The following OVCH1 variants were observed in gnomAD, a reference collection of about 807,000 sequenced individuals.
OVCH1 encodes the protein ovochymase-1.
In OVCH1, 139 loss-of-function variants were observed where a neutral mutation model predicts 138.4. The ratio of observed to expected loss-of-function variants is 1.00; its 90% CI spans 0.87 to 1.16. The LOEUF is 1.16. OVCH1 is among the 50% of genes most tolerant of loss of function. The probability of loss-of-function intolerance (pLI) is 0.00; values close to 1 mark genes in which losing one functional copy is unlikely to be tolerated. For synonymous variants in OVCH1, 453 were observed against 467.8 expected (o/e 0.97, Z 0.41); for missense variants, 1,367 against 1,357.9 (o/e 1.01, Z -0.11).
At chr12:29,443,250 A>C (rs1377383418) in intron 25 of OVCH1, 111 bp downstream of exon 25, 2 of 1,029,532 alleles carry the variant, frequency 1.9e-6, no homozygotes, top group Non-Finnish European at 1.4e-6. Context: ...ACATCCTATA[A>C]GAAGAGACTA....
rs146790083 is a variant in OVCH1 at position 29,458,791 on chromosome 12, AAAAAATCT to A, written c.2280+3055_2280+3062del. ...TTAAGGAGCTCAAATAACTCTATAG[AAAAAATCT>A]AATAATCTGATTTTAAAAATGGACA... On this transcript the variant is annotated intron_variant, in intron 19 of 27. Coordinates refer to ENST00000318184, the Ensembl canonical transcript of OVCH1. Among the ~76,000 whole-genome samples, 1,380 of 152,284 alleles carry A rather than the reference AAAAAATCT, an allele frequency of 9.1e-3. 17 individuals are homozygous for A. The highest frequency in any genetic ancestry group is 0.032 in the African/African-American group (1,310 of 41,556).
At chr12:29,408,099 C>T (rs1250627342), downstream of OVCH1, among the ~76,000 whole-genome samples, 1 of 135,426 alleles carries the variant, frequency 7.4e-6, no homozygotes, top group African/African-American at 2.5e-5. Context: ...CATGATTTGG[C>T]TCTCTGTTTG....
rs373954943 is a variant in OVCH1 at position 29,455,419 on chromosome 12, A to G, written c.2281-14T>C. ...ACCAGAGTCTCCCTGAAACACCAAG[A>G]AAACATGTTTTAGAAAACTGCTTTA... On this transcript the variant is annotated splice_polypyrimidine_tract_variant and intron_variant, in intron 19 of 27. Coordinates refer to ENST00000318184, the Ensembl canonical transcript of OVCH1. 2 of 1,585,084 alleles carry G rather than the reference A, an allele frequency of 1.3e-6. No individual in the cohort carries two copies. Among genetic ancestry groups the G allele is most frequent in the African/African-American group, 2.7e-5 (2 of 73,386 alleles).
chr12:29,495,775 C>T (rs1002593806), intron 3 of OVCH1, among the ~76,000 whole-genome samples: 4 of 152,018 alleles, frequency 2.6e-5, no homozygotes, highest in African/African-American at 7.3e-5. Context: ...TAGAACTGTT[C>T]CTTCTTTTCT....
chr12:29,423,585 G>A (rs1024448526), downstream of OVCH1, among the ~76,000 whole-genome samples: 12 of 152,246 alleles, frequency 7.9e-5, no homozygotes, highest in South Asian at 2.1e-4. Context: ...GCATTTGCGC[G>A]AAGATAACTA....
At chr12:29,440,653 T>C (rs1230437854) in intron 25 of OVCH1, 21 of 449,856 alleles carry the variant, frequency 4.7e-5, no homozygotes, top group South Asian at 2.8e-4. Context: ...ATCATTTTCA[T>C]AGATACTGCA....
At chr12:29,423,743 T>G (rs752033419), downstream of OVCH1, among the ~76,000 whole-genome samples, 1 of 152,124 alleles carries the variant, frequency 6.6e-6, no homozygotes, top group Non-Finnish European at 1.5e-5. Context: ...AATAAAACAA[T>G]GAAACACTAT....
At chr12:29,444,201 CAGA>C in exon 24 of OVCH1, 2 of 1,612,582 alleles carry the variant, frequency 1.2e-6, no homozygotes, top group Non-Finnish European at 8.5e-7. Flanking sequence ...CTGGCTTGGT[CAGA>C]AGAACATCCT....
intron 25 of OVCH1, chr12:29,440,699 G>A (rs1279896113): frequency 2.2e-6 from 1 of 455,702 alleles, no homozygotes; most frequent in Non-Finnish European, 4.4e-6. Flanking sequence ...TCTTGGTGCT[G>A]AATTGGCTTA....
intron 22 of OVCH1, among the ~76,000 whole-genome samples, chr12:29,447,394 T>C (rs768279750): frequency 6.6e-6 from 1 of 152,178 alleles, no homozygotes; most frequent in East Asian, 1.9e-4. Flanking sequence ...GTTCTGGGCA[T>C]GGTGAAAGAA....
At chr12:29,425,724 T>G (rs567322786), downstream of OVCH1, among the ~76,000 whole-genome samples, 19 of 152,344 alleles carry the variant, frequency 1.2e-4, no homozygotes, top group East Asian at 1.9e-3. Flanking sequence ...CTTCATGAGA[T>G]TGGGTCTTAG....
At chr12:29,404,783 GAGGCTGAGGC>G in the OVCH1 span, among the ~76,000 whole-genome samples, 1 of 152,134 alleles carries the variant, frequency 6.6e-6, no homozygotes, top group Non-Finnish European at 1.5e-5. Context: ...AGCACTTTGG[GAGGCTGAGGC>G]AGGCGAACCA....
At chr12:29,419,553 C>T (rs937818734) in intron 3 of OVCH1, among the ~76,000 whole-genome samples, 2 of 151,916 alleles carry the variant, frequency 1.3e-5, no homozygotes, top group African/African-American at 2.4e-5. Flanking sequence ...CTTGGCCTCT[C>T]GAAGTGCTGG....
intron 24 of OVCH1, among the ~76,000 whole-genome samples, chr12:29,443,805 TG>T (rs1297819339): frequency 6.6e-6 from 1 of 152,092 alleles, no homozygotes; most frequent in African/African-American, 2.4e-5. Flanking sequence ...TGCCAGAATT[TG>T]CCCCAAACTC....
intron 27 of OVCH1, chr12:29,427,735 G>A (rs190366333): frequency 1.7e-5 from 26 of 1,496,510 alleles, no homozygotes; most frequent in East Asian, 7.4e-5. Flanking sequence ...CCTAGCTAAC[G>A]GGGAAGCCAG....
At chr12:29,442,643 A>T (rs1003376104) in intron 25 of OVCH1, among the ~76,000 whole-genome samples, 3 of 150,756 alleles carry the variant, frequency 2.0e-5, no homozygotes, top group African/African-American at 4.9e-5. Context: ...AAAAAAAAAT[A>T]AAAAAAAGAA....
At chr12:29,415,251 G>A (rs916568532) in intron 3 of OVCH1, among the ~76,000 whole-genome samples, 2 of 151,266 alleles carry the variant, frequency 1.3e-5, no homozygotes, top group East Asian at 3.9e-4. Flanking sequence ...AGTAAGGAAA[G>A]AAGGGCTGAA....
intron 3 of OVCH1, among the ~76,000 whole-genome samples, chr12:29,414,269 A>AC (rs944681752): frequency 1.3e-4 from 19 of 151,234 alleles, no homozygotes; most frequent in East Asian, 3.9e-4. Flanking sequence ...CAGGTGATCC[A>AC]CCCCCCTCAG....
At chr12:29,490,238 T>TA (rs1555156224) in intron 5 of OVCH1, among the ~76,000 whole-genome samples, 48 of 152,098 alleles carry the variant, frequency 3.2e-4, no homozygotes, top group African/African-American at 6.5e-4. Context: ...ATTTTTTATT[T>TA]TTTATTTATT....
Sources: allele counts gnomAD v4.1 joint callset (sites outside exome capture counted in the v4.1 genomes callset), GRCh38; gene constraint gnomAD v4.1.1; transcripts MANE v1.5; gene names NCBI Gene and HGNC (gene_info 2026-07-23, HGNC 2026-07-21).